Variants in HYCC1 observed in about 807,000 individuals in gnomAD.
HYCC1 encodes the protein hyccin.
chr7:23,013,382 G>A, the HYCC1 span, among the ~76,000 whole-genome samples: 1 of 152,258 alleles, frequency 6.6e-6, no homozygotes, highest in African/African-American at 2.4e-5. Context: ...TCTCCAGGGG[G>A]CGAGGGCGGG....
At chr7:23,000,238 C>T in the HYCC1 span, among the ~76,000 whole-genome samples, 2 of 152,106 alleles carry the variant, frequency 1.3e-5, no homozygotes, top group African/African-American at 2.4e-5. Flanking sequence ...TTTTTCTACA[C>T]ATATGCTATA....
chr7:22,907,780 C>T, the HYCC1 span, among the ~76,000 whole-genome samples: 2 of 152,038 alleles, frequency 1.3e-5, no homozygotes, highest in Non-Finnish European at 2.9e-5. Flanking sequence ...GGCGTGGTGG[C>T]GCATGCTCAT....
chr7:23,000,446 G>A, the HYCC1 span, among the ~76,000 whole-genome samples: 2 of 151,622 alleles, frequency 1.3e-5, no homozygotes, highest in Non-Finnish European at 2.9e-5. Context: ...ATGTACATAT[G>A]TATATATACA....
the HYCC1 span, among the ~76,000 whole-genome samples, chr7:22,966,575 T>C: frequency 1.3e-5 from 2 of 152,236 alleles, no homozygotes; most frequent in Admixed American, 6.5e-5. Context: ...TGCTTTCACA[T>C]AATATTCTAT....
At chr7:22,900,379 T>C in the HYCC1 span, among the ~76,000 whole-genome samples, 1 of 152,212 alleles carries the variant, frequency 6.6e-6, no homozygotes, top group Admixed American at 6.5e-5. Context: ...CCTATTTCAG[T>C]GTAGATGGAT....
the HYCC1 span, among the ~76,000 whole-genome samples, chr7:22,992,863 A>C: frequency 6.6e-6 from 1 of 152,170 alleles, no homozygotes; most frequent in Middle Eastern, 3.2e-3. Context: ...AATTAAGGTT[A>C]ATTTTTCAAA....
the HYCC1 span, among the ~76,000 whole-genome samples, chr7:22,958,734 ACTCT>A: frequency 2.0e-5 from 3 of 151,932 alleles, no homozygotes; most frequent in African/African-American, 4.8e-5. Flanking sequence ...ATGCACACAT[ACTCT>A]CTCTCATATA....
chr7:22,951,612 T>C, the HYCC1 span, among the ~76,000 whole-genome samples: 2 of 152,058 alleles, frequency 1.3e-5, no homozygotes, highest in Non-Finnish European at 2.9e-5. Flanking sequence ...TTTATGTTTA[T>C]AATATATTCT....
the HYCC1 span, chr7:22,964,624 T>C: frequency 2.8e-6 from 2 of 716,228 alleles, no homozygotes; most frequent in Non-Finnish European, 5.1e-6. Flanking sequence ...CTAGGTACAC[T>C]TTCATAACAA....
At chr7:23,006,563 G>A in the HYCC1 span, among the ~76,000 whole-genome samples, 7 of 152,114 alleles carry the variant, frequency 4.6e-5, no homozygotes, top group East Asian at 3.9e-4. Context: ...CACCGCACCC[G>A]GCCAATTTAA....
chr7:22,990,825 A>G, the HYCC1 span, among the ~76,000 whole-genome samples: 3 of 152,242 alleles, frequency 2.0e-5, no homozygotes, highest in Non-Finnish European at 4.4e-5. Flanking sequence ...TGGTATTGCC[A>G]TGAAAGAAAG....
At chr7:22,938,343 A>T in the HYCC1 span, 1 of 152,184 alleles carries the variant, frequency 6.6e-6, no homozygotes, top group Non-Finnish European at 1.5e-5. Context: ...CAACTTTGCT[A>T]ATCCCAATCA....
the HYCC1 span, among the ~76,000 whole-genome samples, chr7:22,997,900 C>T: frequency 6.6e-6 from 1 of 152,166 alleles, no homozygotes; most frequent in Admixed American, 6.5e-5. Context: ...CATCTTTTGC[C>T]TACCCCAAGG....
the HYCC1 span, among the ~76,000 whole-genome samples, chr7:22,974,540 T>C: frequency 6.6e-6 from 1 of 152,242 alleles, no homozygotes; most frequent in South Asian, 2.1e-4. Flanking sequence ...AATTATGCTC[T>C]AATTTGGAAA....
the HYCC1 span, among the ~76,000 whole-genome samples, chr7:22,897,709 C>T: frequency 1.3e-5 from 2 of 152,110 alleles, no homozygotes; most frequent in South Asian, 2.1e-4. Flanking sequence ...TGGGCTCAAG[C>T]GACCCTCACA....
the HYCC1 span, among the ~76,000 whole-genome samples, chr7:22,986,951 A>C: frequency 2.0e-5 from 3 of 152,224 alleles, no homozygotes; most frequent in African/African-American, 7.2e-5. Context: ...ATAGGGGTTG[A>C]GTAGCAGAGA....
chr7:22,962,641 T>C, the HYCC1 span, among the ~76,000 whole-genome samples: 5 of 150,286 alleles, frequency 3.3e-5, no homozygotes, highest in Non-Finnish European at 7.4e-5. Flanking sequence ...GGGTCATCAC[T>C]GAAGGGGCAG....
At chr7:22,942,935 C>T in the HYCC1 span, 7 of 152,040 alleles carry the variant, frequency 4.6e-5, no homozygotes, top group Non-Finnish European at 8.8e-5. Flanking sequence ...AACGTAACTC[C>T]GCTCTCCAGA....
At chr7:23,008,525 C>T in the HYCC1 span, among the ~76,000 whole-genome samples, 1 of 151,936 alleles carries the variant, frequency 6.6e-6, no homozygotes, top group Non-Finnish European at 1.5e-5. Flanking sequence ...TCCTAACTGC[C>T]TTTAATGTAA....
Sources: gnomAD v4.1 joint callset for allele counts (sites outside exome capture counted in the v4.1 genomes callset) on GRCh38, gnomAD v4.1.1 for gene constraint, MANE v1.5 for transcripts, NCBI Gene and HGNC (gene_info 2026-07-23, HGNC 2026-07-21) for gene names.